Variants in MSRA observed in about 807,000 individuals in gnomAD.
The protein encoded by MSRA is methionine sulfoxide reductase A.
Under a neutral mutation model 31.3 loss-of-function variants are expected in MSRA, and 54 were observed. The ratio of observed to expected loss-of-function variants is 1.73; its 90% CI spans 1.39 to 2.17. The LOEUF (loss-of-function observed/expected upper bound fraction) is 2.17, where lower values mean the gene tolerates loss of function less well. MSRA is among the 30% of genes most tolerant of loss of function. The pLI, the probability that MSRA is intolerant of heterozygous loss-of-function variation, is 0.00. For missense variants in MSRA, 507 were observed against 300.9 expected (o/e 1.69, Z -5.07); for synonymous variants, 169 against 116.5 (o/e 1.45, Z -2.90).
chr8:10,228,138 C>G (rs1270058480), intron 2 of MSRA, among the ~76,000 whole-genome samples: 1 of 152,066 alleles, frequency 6.6e-6, no homozygotes, highest in Non-Finnish European at 1.5e-5. Flanking sequence ...CACTGAGCTA[C>G]CTTTCTAGAG....
intron 5 of MSRA, among the ~76,000 whole-genome samples, chr8:10,352,862 A>G (rs1419051038): frequency 6.6e-6 from 1 of 151,880 alleles, no homozygotes; most frequent in Non-Finnish European, 1.5e-5. Context: ...CCCTGGCTAT[A>G]TTTTTCTTTT....
chr8:10,113,664 G>C (rs1382019183), intron 1 of MSRA, among the ~76,000 whole-genome samples: 1 of 151,932 alleles, frequency 6.6e-6, no homozygotes, highest in African/African-American at 2.4e-5. Context: ...AGGCTGGTTG[G>C]GTACCCAGTT....
At chr8:10,227,833 A>G (rs372074411) in intron 2 of MSRA, among the ~76,000 whole-genome samples, 1 of 152,322 alleles carries the variant, frequency 6.6e-6, no homozygotes, top group African/African-American at 2.4e-5. Context: ...GGTATTTTCA[A>G]ATTTTGTAGA....
At chr8:10,115,690 A>G (rs976583619) in intron 1 of MSRA, among the ~76,000 whole-genome samples, 2 of 152,096 alleles carry the variant, frequency 1.3e-5, no homozygotes, top group Non-Finnish European at 1.5e-5. Flanking sequence ...AGAGATTTCC[A>G]TTCATGATTA....
Position 10,279,899 on chromosome 8 carries a change from A to C in MSRA, c.332-21635A>C, listed in dbSNP as rs762632392. Among the ~76,000 whole-genome samples, 90 of 152,306 alleles carry C rather than the reference A, an allele frequency of 5.9e-4. 1 individual carries two copies. Among genetic ancestry groups the C allele is most frequent in the Non-Finnish European group, 6.5e-4 (44 of 68,030 alleles). On this transcript the variant is annotated intron_variant, in intron 3 of 5. Transcript: ENST00000317173. ...AATATCTATGACTCAGTGTGCATTA[A>C]ATGTGGCAAATCTGTTTCTTGGATA...
intron 1 of MSRA, among the ~76,000 whole-genome samples, chr8:10,060,772 C>G (rs1802672604): frequency 6.6e-6 from 1 of 151,778 alleles, no homozygotes; most frequent in Non-Finnish European, 1.5e-5. Flanking sequence ...ATAAGTTAAT[C>G]CAAGTCATTT....
chr8:10,342,077 T>A (rs1803461815), intron 5 of MSRA, among the ~76,000 whole-genome samples: 1 of 152,160 alleles, frequency 6.6e-6, no homozygotes, highest in East Asian at 1.9e-4. Flanking sequence ...GTCAGCTGGG[T>A]TCAAAGAGTT....
At chr8:10,136,979 G>A (rs1469773472) in intron 1 of MSRA, among the ~76,000 whole-genome samples, 2 of 152,198 alleles carry the variant, frequency 1.3e-5, no homozygotes, top group African/African-American at 4.8e-5. Context: ...CAAAAAGACT[G>A]TTAGCCTCTT....
chr8:10,088,477 G>C (rs1798683019), intron 1 of MSRA, among the ~76,000 whole-genome samples: 1 of 152,134 alleles, frequency 6.6e-6, no homozygotes, highest in South Asian at 2.1e-4. Flanking sequence ...GCTCACACCT[G>C]TAATCCCAGC....
chr8:10,407,167 A>G (rs1237390991), intron 5 of MSRA, among the ~76,000 whole-genome samples: 2 of 152,218 alleles, frequency 1.3e-5, no homozygotes, highest in East Asian at 3.9e-4. Context: ...AGAAGCCACC[A>G]TGCCCAGCCT....
chr8:10,092,430 G>C (rs1311340438), intron 1 of MSRA, among the ~76,000 whole-genome samples: 2 of 152,090 alleles, frequency 1.3e-5, no homozygotes, highest in Non-Finnish European at 2.9e-5. Flanking sequence ...AGGCCGAGGT[G>C]GGCAGATCAC....
intron 5 of MSRA, chr8:10,320,211 G>A (rs1012480325): frequency 5.6e-6 from 2 of 354,218 alleles, no homozygotes; most frequent in Admixed American, 4.8e-5. Flanking sequence ...GCTCATGCCT[G>A]TAATCCCAGT....
chr8:10,185,576 C>A (rs1206672788), intron 1 of MSRA, among the ~76,000 whole-genome samples: 5 of 151,996 alleles, frequency 3.3e-5, no homozygotes, highest in Non-Finnish European at 2.9e-5. Flanking sequence ...TGAGTCATTG[C>A]GAGAAGGTCC....
chr8:10,166,683 C>G (rs778316205), intron 1 of MSRA, among the ~76,000 whole-genome samples: 1 of 152,196 alleles, frequency 6.6e-6, no homozygotes, highest in Non-Finnish European at 1.5e-5. Flanking sequence ...TTGTATTACC[C>G]AAGCTCACTC....
At position 10,110,421 on chromosome 8, in the gene MSRA, G is replaced by A. The variant is rs566131375; in HGVS notation, c.142+55763G>A. On this transcript the variant is annotated intron_variant, in intron 1 of 5. Coordinates refer to ENST00000317173, the MANE Select transcript of MSRA (RefSeq NM_012331.5). The stretch of plus-strand genomic sequence containing the variant: ...CATATCATGGTTGTCAGGGGCCAAA[G>A]GAGACTCCACTGAGTCAGCCTCACT... Among the ~76,000 whole-genome samples, 343 of 152,290 alleles carry A rather than the reference G, an allele frequency of 2.3e-3. 1 individual carries two copies. Among genetic ancestry groups the A allele is most frequent in the Non-Finnish European group, 2.8e-3 (189 of 68,028 alleles).
At chr8:10,154,451 C>T (rs1472898023) in intron 1 of MSRA, among the ~76,000 whole-genome samples, 1 of 152,014 alleles carries the variant, frequency 6.6e-6, no homozygotes, top group Non-Finnish European at 1.5e-5. Context: ...AATCTCGGCT[C>T]ACTGCAAGCT....
In MSRA at chr8:10,392,011, A is replaced by G. The variant is rs1806779487; in HGVS notation, c.544-36137A>G. Among the ~76,000 whole-genome samples the G allele has an allele frequency of 6.6e-5, 10 of 152,310 alleles. No individual in the cohort carries two copies. In the South Asian group the frequency reaches 1.7e-3, roughly 25 times the overall value. ...ACTTCAGACTCTTATATTTGAAAGAAGTCACTGTCTGACCACCCAGTGCTC... is the reference window on the plus strand; with the variant it reads ...ACTTCAGACTCTTATATTTGAAAGAGGTCACTGTCTGACCACCCAGTGCTC... On this transcript the variant is annotated intron_variant, in intron 5 of 5. Transcript: ENST00000317173.
intron 3 of MSRA, among the ~76,000 whole-genome samples, chr8:10,267,747 G>T (rs1798821830): frequency 6.6e-6 from 1 of 152,184 alleles, no homozygotes; most frequent in South Asian, 2.1e-4. Flanking sequence ...TTCGCTATCT[G>T]CCAGAAGGGG....
chr8:10,287,612 G>A (rs60595937), intron 3 of MSRA, among the ~76,000 whole-genome samples: 1,990 of 152,240 alleles, frequency 0.013, 40 homozygotes, highest in African/African-American at 0.045. Context: ...CTCATGCGTT[G>A]GACTTACTAT....
Sources: gnomAD v4.1 joint callset for allele counts (sites outside exome capture counted in the v4.1 genomes callset) on GRCh38, gnomAD v4.1.1 for gene constraint, MANE v1.5 for transcripts, NCBI Gene and HGNC (gene_info 2026-07-23, HGNC 2026-07-21) for gene names.